PBX1: variants seen among roughly 807,000 people sequenced by gnomAD.
PBX1 encodes the protein PBX homeobox 1, also known as pre-B-cell leukemia transcription factor 1.
In PBX1, 6 loss-of-function variants were observed where a neutral mutation model predicts 53.4. The ratio of observed to expected loss-of-function variants is 0.11; its 90% CI spans 0.06 to 0.22. PBX1 has a LOEUF of 0.22. Among genes scored for constraint, PBX1 ranks in the 10% least tolerant of loss-of-function variants. PBX1 has a pLI of 1.00. For missense variants in PBX1, 251 were observed against 551.4 expected, an observed-to-expected ratio of 0.46 and a Z score of 5.46; for synonymous variants, 204 against 212.3, an observed-to-expected ratio of 0.96 and a Z score of 0.34.
intron 2 of PBX1, among the ~76,000 whole-genome samples, chr1:164,884,297 A>G (rs1672728735): frequency 6.6e-6 from 1 of 152,188 alleles, no homozygotes; most frequent in African/African-American, 2.4e-5. Context: ...TATTATATGA[A>G]TGAAAAGTGG....
At chr1:164,680,065 T>C (rs1233588859) in intron 2 of PBX1, 1 of 152,188 alleles carries the variant, frequency 6.6e-6, no homozygotes, top group Non-Finnish European at 1.5e-5. Context: ...AGAGCAGATA[T>C]ATTAGTCCAT....
chr1:164,606,260 C>G (rs1033121302), intron 2 of PBX1, among the ~76,000 whole-genome samples: 1 of 152,154 alleles, frequency 6.6e-6, no homozygotes, highest in African/African-American at 2.4e-5. Context: ...GAGGCCAAGG[C>G]GGGTAGATTG....
intron 8 of PBX1, among the ~76,000 whole-genome samples, chr1:164,831,064 A>G (rs1670729630): frequency 6.6e-6 from 1 of 152,206 alleles, no homozygotes; most frequent in Admixed American, 6.5e-5. Context: ...AAAAATTTTC[A>G]AACATATGGA....
chr1:164,574,625 C>T (rs1399036924), intron 2 of PBX1, among the ~76,000 whole-genome samples: 10 of 152,108 alleles, frequency 6.6e-5, no homozygotes, highest in Admixed American at 5.2e-4. Flanking sequence ...GTTAACGTTA[C>T]CCTCCATCAA....
intron 2 of PBX1, among the ~76,000 whole-genome samples, chr1:164,576,583 T>C (rs1654256876): frequency 6.6e-6 from 1 of 152,214 alleles, no homozygotes; most frequent in African/African-American, 2.4e-5. Context: ...TTGCTGTGTT[T>C]TCATCATTTC....
intron 2 of PBX1, among the ~76,000 whole-genome samples, chr1:164,716,669 T>A (rs1664102553): frequency 8.3e-6 from 1 of 120,198 alleles, no homozygotes; most frequent in Non-Finnish European, 1.8e-5. Context: ...CTGGGCAACA[T>A]GGGAAATGTC....
At chr1:164,811,222 G>T (rs1410367655) in intron 5 of PBX1, among the ~76,000 whole-genome samples, 1 of 152,174 alleles carries the variant, frequency 6.6e-6, no homozygotes, top group Admixed American at 6.5e-5. Context: ...CTTGTGTCTG[G>T]CAGAGGTCTT....
chr1:164,701,832 A>G (rs965074702), intron 2 of PBX1, among the ~76,000 whole-genome samples: 2 of 152,198 alleles, frequency 1.3e-5, no homozygotes, highest in Non-Finnish European at 2.9e-5. Context: ...TTATGTGTTC[A>G]GAAAGTTTTT....
chr1:164,626,041 C>T (rs1050909950), intron 2 of PBX1: 31 of 1,040,118 alleles, frequency 3.0e-5, no homozygotes, highest in East Asian at 5.7e-5. Flanking sequence ...CCGGGAACCC[C>T]GTTACCCCCC....
At chr1:164,881,623 AG>A (rs371852655) in intron 2 of PBX1, among the ~76,000 whole-genome samples, 68 of 150,544 alleles carry the variant, frequency 4.5e-4, no homozygotes, top group South Asian at 1.1e-3. Context: ...AAGGAAAGGA[AG>A]AAGAAAAAAG....
Position 164,849,527 on chromosome 1 carries a change from T to C in PBX1, c.*2851T>C. 1 of 1,363,992 alleles carries C rather than the reference T, an allele frequency of 7.3e-7. No individual in the cohort carries two copies. The highest frequency in any genetic ancestry group is 9.9e-7 in the Non-Finnish European group (1 of 1,010,520). The allele number at this position is 1,363,992 out of a possible 1,614,324, so 84.5% of individuals were successfully genotyped here. On this transcript the variant is annotated 3_prime_UTR_variant, in exon 9 of 9. Coordinates refer to ENST00000420696, the MANE Select transcript of PBX1 (RefSeq NM_002585.4). The stretch of plus-strand genomic sequence containing the variant: ...GAGGCCAGTCCTACAGAGAGCAAGA[T>C]GCACCCCAGGATTTCTTCATTTTCT...
At chr1:164,598,462 T>C (rs1655919823) in intron 2 of PBX1, among the ~76,000 whole-genome samples, 1 of 152,100 alleles carries the variant, frequency 6.6e-6, no homozygotes, top group Non-Finnish European at 1.5e-5. Flanking sequence ...ATCTCTCCAG[T>C]CCAAACCTTG....
chr1:164,581,187 T>A (rs1654589975), intron 2 of PBX1, among the ~76,000 whole-genome samples: 1 of 151,530 alleles, frequency 6.6e-6, no homozygotes. Flanking sequence ...TTACAGAGCC[T>A]CTGTTTTTGG....
At chr1:164,660,543 A>G (rs890995790) in intron 2 of PBX1, among the ~76,000 whole-genome samples, 1 of 151,804 alleles carries the variant, frequency 6.6e-6, no homozygotes, top group Admixed American at 6.6e-5. Flanking sequence ...TTGTCACCCT[A>G]TCAGCTAGAT....
intron 2 of PBX1, chr1:164,884,449 C>A: frequency 3.0e-5 from 11 of 370,394 alleles, no homozygotes; most frequent in South Asian, 2.5e-4. Flanking sequence ...TGAAATCGGT[C>A]AATTTGACTC....
intron 2 of PBX1, among the ~76,000 whole-genome samples, chr1:164,615,259 G>C (rs1396257122): frequency 6.6e-6 from 1 of 152,154 alleles, no homozygotes; most frequent in Admixed American, 6.5e-5. Flanking sequence ...CTAACAATGT[G>C]TGGGTTACCC....
chr1:164,637,188 G>T (rs1658833695), intron 2 of PBX1, among the ~76,000 whole-genome samples: 1 of 152,172 alleles, frequency 6.6e-6, no homozygotes, highest in Non-Finnish European at 1.5e-5. Context: ...GATGCTTGGA[G>T]AATTTTCTAA....
intron 4 of PBX1, among the ~76,000 whole-genome samples, chr1:164,805,213 G>C (rs1330665147): frequency 6.6e-6 from 1 of 152,148 alleles, no homozygotes; most frequent in Non-Finnish European, 1.5e-5. Context: ...CTACTGATTG[G>C]TTTGAAATCA....
chr1:164,870,262 C>CTTCCTTCCTTCTTTCT (rs1672327692), intron 2 of PBX1, among the ~76,000 whole-genome samples: 3 of 64,574 alleles, frequency 4.6e-5, no homozygotes, highest in African/African-American at 2.1e-4. Context: ...TCCTTCCTTC[C>CTTCCTTCCTTCTTTCT]TTCCTTCTTT....
Sources: gnomAD v4.1 joint callset for allele counts (sites outside exome capture counted in the v4.1 genomes callset) on GRCh38, gnomAD v4.1.1 for gene constraint, MANE v1.5 for transcripts, NCBI Gene and HGNC (gene_info 2026-07-23, HGNC 2026-07-21) for gene names.